MX2: variants seen among roughly 807,000 people sequenced by gnomAD.
MX2 encodes the protein interferon-induced GTP-binding protein Mx2.
A neutral mutation model predicts 74.0 loss-of-function variants in MX2; 51 were observed. That is an observed-to-expected ratio of 0.69 (90% CI 0.55 to 0.87). The LOEUF (loss-of-function observed/expected upper bound fraction) is 0.87. MX2 is among the 40% of genes least tolerant of loss of function. The pLI is 0.00. For synonymous variants in MX2, 369 were observed against 339.3 expected (o/e 1.09, Z -0.96); for missense variants, 832 against 908.7 (o/e 0.92, Z 1.09).
At chr21:41,397,484 C>A in intron 7 of MX2, 129 bp from the exon 8 acceptor site, 1 of 712,078 alleles carries the variant, frequency 1.4e-6, no homozygotes, top group Non-Finnish European at 2.4e-6. Flanking sequence ...CTTTCTTATG[C>A]ACCACTTGGC....
intron 12 of MX2, among the ~76,000 whole-genome samples, chr21:41,405,765 C>T (rs545111106): frequency 1.4e-5 from 2 of 143,216 alleles, no homozygotes; most frequent in South Asian, 2.2e-4. Flanking sequence ...AGTGCAATGG[C>T]GCCATCTCGG....
chr21:41,362,336 G>A (rs1349700254), intron 1 of MX2, among the ~76,000 whole-genome samples: 1 of 152,072 alleles, frequency 6.6e-6, no homozygotes. Flanking sequence ...AAAGTCGGGT[G>A]GACGCAAAGG....
In MX2 at chr21:41,377,827, G is replaced by A. The variant is rs761959544; in HGVS notation, c.288G>A (p.Lys96=). The change falls in exon 3 of 14, where the codon AAG becomes AAA. Residue 96 remains lysine, a synonymous_variant. Coordinates refer to ENST00000330714, the MANE Select transcript of MX2 (RefSeq NM_002463.2). ...ACCTGTACAGCCAGTACGAGCAGAA[G>A]GTGCGCCCCTGCATTGACCTCATCG... ...ENNLYSQYEQ[K]VRPCIDLIDS... is the part of the protein sequence containing the mutation. 1.2e-6 allele frequency: 2 copies of A among 1,614,022 alleles called. No homozygotes were observed. Among genetic ancestry groups the A allele is most frequent in the African/African-American group, 1.3e-5 (1 of 75,060 alleles).
chr21:41,378,115 G>C (rs1208000943), intron 3 of MX2, 134 bp downstream of exon 3: 7 of 1,147,474 alleles, frequency 6.1e-6, no homozygotes, highest in Middle Eastern at 5.9e-4. Context: ...CGCTGGGAGA[G>C]AGGCCGCTGA....
At chr21:41,373,672 C>T (rs1347384197) in intron 1 of MX2, among the ~76,000 whole-genome samples, 1 of 152,118 alleles carries the variant, frequency 6.6e-6, no homozygotes, top group African/African-American at 2.4e-5. Context: ...ACCCTCTTTG[C>T]CATTGTTTCC....
intron 3 of MX2, among the ~76,000 whole-genome samples, chr21:41,378,202 G>A (rs1167352136): frequency 6.6e-6 from 1 of 151,074 alleles, no homozygotes; most frequent in East Asian, 2.0e-4. Flanking sequence ...GAGACACGTT[G>A]CTGGGAGAGA....
At chr21:41,387,104 G>A (rs1048875003) in intron 5 of MX2, among the ~76,000 whole-genome samples, 2 of 152,152 alleles carry the variant, frequency 1.3e-5, no homozygotes, top group African/African-American at 2.4e-5. Flanking sequence ...CTTTCCCTTC[G>A]TATTTTTGTG....
intron 5 of MX2, among the ~76,000 whole-genome samples, chr21:41,387,827 G>A (rs888454579): frequency 2.6e-5 from 4 of 152,118 alleles, no homozygotes; most frequent in African/African-American, 4.8e-5. Context: ...AGCAACACCC[G>A]ATCTTCCCCC....
chr21:41,393,987 C>T (rs968195180), intron 6 of MX2, among the ~76,000 whole-genome samples: 5 of 152,170 alleles, frequency 3.3e-5, no homozygotes, highest in Non-Finnish European at 7.3e-5. Flanking sequence ...GACTCTGCCT[C>T]CAAAACGGGT....
rs1489584017 is a variant in MX2, at chr21:41,377,814, A to G, written c.275A>G (p.Gln92Arg). ...AMGPENNLYS[Q>R]YEQKVRPCID... ...GGGCCCGAGAACAACCTGTACAGCC[A>G]GTACGAGCAGAAGGTGCGCCCCTGC... Residue 92 changes from glutamine to arginine, a missense_variant, in exon 3 of 14, where the codon CAG (glutamine) becomes CGG (arginine). Transcript: ENST00000330714. The G allele has an allele frequency of 6.2e-7, 1 of 1,613,624 alleles. No homozygotes were observed. Among genetic ancestry groups the G allele is most frequent in the Admixed American group, 1.7e-5 (1 of 60,018 alleles).
chr21:41,375,887 AG>A (rs1459874571), intron 1 of MX2, among the ~76,000 whole-genome samples: 1 of 152,166 alleles, frequency 6.6e-6, no homozygotes, highest in Non-Finnish European at 1.5e-5. Context: ...TCCTGCCCGG[AG>A]CACAGGCCCA....
intron 5 of MX2, 60 bp from the exon 6 acceptor site, chr21:41,390,505 G>GTTCC: frequency 6.2e-7 from 1 of 1,606,706 alleles, no homozygotes; most frequent in Non-Finnish European, 8.5e-7. Context: ...GCCTGGCCGT[G>GTTCC]CTGCTGAGTG....
chr21:41,377,985 A>G lies in MX2; in HGVS notation c.442+4A>G. On this transcript the variant is annotated splice_donor_region_variant and intron_variant, in intron 3 of 13. Coordinates refer to ENST00000330714, the MANE Select transcript of MX2 (RefSeq NM_002463.2). ...GTCGCGCTTCCCAGAGGCAGCGGTAAGTTCAACGGACCACCTTCCCTCCGC... is the reference window on the plus strand; with the variant it reads ...GTCGCGCTTCCCAGAGGCAGCGGTAGGTTCAACGGACCACCTTCCCTCCGC... 6.2e-7 allele frequency: 1 copy of G among 1,610,226 alleles called. No individual in the cohort carries two copies. The highest frequency in any genetic ancestry group is 8.5e-7 in the Non-Finnish European group (1 of 1,176,840).
At chr21:41,362,763 T>TC (rs60129995) in intron 1 of MX2, among the ~76,000 whole-genome samples, 1,962 of 45,144 alleles carry the variant, frequency 0.043, 60 homozygotes, top group African/African-American at 0.073. Flanking sequence ...TTTTTTTTTT[T>TC]TTTTTTTTTT....
At chr21:41,403,848 T>C in intron 12 of MX2, 1 of 325,762 alleles carries the variant, frequency 3.1e-6, no homozygotes, top group South Asian at 2.5e-5. Flanking sequence ...GGCTGGTGGA[T>C]TGAAATCTCA....
Position 41,366,027 on chromosome 21 carries a change from A to G in MX2, c.-72+3972A>G, listed in dbSNP as rs1434083864. The G allele has an allele frequency of 6.6e-6, 1 of 152,074 alleles. No homozygotes were observed. Among genetic ancestry groups the G allele is most frequent in the Non-Finnish European group, 1.5e-5 (1 of 68,020 alleles). 9.4% of individuals were successfully genotyped at this position (152,074 alleles called of 1,614,324 possible). A position where few individuals can be genotyped will look rare whatever the true frequency, so the allele number is the denominator to read the frequency against. On this transcript the variant is annotated intron_variant, in intron 1 of 13. Transcript: ENST00000330714. This position sits in a 1 kb window ranked among gnomAD's most constrained non-coding sequence, Gnocchi z 4.5. Reference sequence around the variant, plus strand: ...TTTGCTCTTAGAGCAGAGATTCTCAACCTTTCTCCATTTGGGCTTCCCTGA... The same window carrying G: ...TTTGCTCTTAGAGCAGAGATTCTCAGCCTTTCTCCATTTGGGCTTCCCTGA...
At chr21:41,395,525 G>C in intron 6 of MX2, 62 bp from the exon 7 acceptor site, 1 of 1,521,954 alleles carries the variant, frequency 6.6e-7, no homozygotes, top group Non-Finnish European at 9.1e-7. Context: ...AGTCCAGTAG[G>C]AGTCAAACCT....
chr21:41,374,773 T>A (rs1399802287), intron 1 of MX2, among the ~76,000 whole-genome samples: 6 of 152,208 alleles, frequency 3.9e-5, no homozygotes, highest in African/African-American at 1.2e-4. Context: ...CTGGCCCAAC[T>A]GTCCCAAAGC....
intron 5 of MX2, chr21:41,390,364 A>G (rs2089640461): frequency 1.6e-6 from 1 of 619,236 alleles, no homozygotes; most frequent in East Asian, 2.8e-5. Context: ...TGGGCTTTGA[A>G]GGACAAGTGG....
Sources: gnomAD v4.1 joint callset for allele counts (sites outside exome capture counted in the v4.1 genomes callset) on GRCh38, gnomAD v4.1.1 for gene constraint, Gnocchi (gnomAD v3.1) non-coding constraint, MANE v1.5 for transcripts, NCBI Gene and HGNC (gene_info 2026-07-23, HGNC 2026-07-21) for gene names.